Variants in BCKDHB observed in about 807,000 individuals in gnomAD.
BCKDHB encodes the protein branched chain keto acid dehydrogenase E1 subunit beta.
BCKDHB carries 41 observed loss-of-function variants against 48.5 expected under a neutral mutation model. The observed-to-expected ratio is 0.85, with a 90% CI of 0.66 to 1.10. The LOEUF is 1.10. BCKDHB is among the 50% of genes least tolerant of loss of function. The pLI, the probability that BCKDHB is intolerant of heterozygous loss-of-function variation, is 0.00. For missense variants in BCKDHB, 496 were observed against 494.2 expected, an observed-to-expected ratio of 1.00 and a Z score of -0.03; for synonymous variants, 201 against 174.8, an observed-to-expected ratio of 1.15 and a Z score of -1.18.
chr6:80,461,519 A>C, the BCKDHB span, among the ~76,000 whole-genome samples: 1 of 152,108 alleles, frequency 6.6e-6, no homozygotes, highest in African/African-American at 2.4e-5. Flanking sequence ...ACATCTGATC[A>C]TTTCTTTCAC....
the BCKDHB span, among the ~76,000 whole-genome samples, chr6:80,377,261 C>T: frequency 1.3e-5 from 2 of 152,020 alleles, no homozygotes; most frequent in South Asian, 2.1e-4. Context: ...AGGCTGGTCT[C>T]GAACTCCCAA....
At chr6:80,430,164 C>T in the BCKDHB span, among the ~76,000 whole-genome samples, 5 of 152,126 alleles carry the variant, frequency 3.3e-5, no homozygotes, top group African/African-American at 4.8e-5. Flanking sequence ...CGATAGATTA[C>T]GGTTATTGAT....
intron 2 of BCKDHB, among the ~76,000 whole-genome samples, chr6:80,128,444 G>A (rs915964687): frequency 5.3e-5 from 8 of 152,052 alleles, no homozygotes. Flanking sequence ...ACGTTTATGA[G>A]ACTAGCATTC....
At chr6:80,232,550 T>C (rs1775971633) in intron 8 of BCKDHB, among the ~76,000 whole-genome samples, 1 of 151,224 alleles carries the variant, frequency 6.6e-6, no homozygotes, top group South Asian at 2.1e-4. Context: ...TTATATTCTC[T>C]CTATAGCACA....
chr6:80,343,489 TGGGATC>T, intron 9 of BCKDHB, 169 bp from the exon 10 acceptor site: 2 of 688,054 alleles, frequency 2.9e-6, no homozygotes, highest in South Asian at 3.8e-5. Context: ...ATAATAAAAC[TGGGATC>T]ATGCGAACAT....
intron 8 of BCKDHB, among the ~76,000 whole-genome samples, chr6:80,240,074 T>C (rs945334583): frequency 5.9e-5 from 9 of 152,188 alleles, no homozygotes; most frequent in Non-Finnish European, 5.9e-5. Flanking sequence ...TAGAATTGTC[T>C]TGGGAATGTG....
chr6:80,142,246 A>G (rs1032131571), intron 3 of BCKDHB, among the ~76,000 whole-genome samples: 11 of 152,228 alleles, frequency 7.2e-5, no homozygotes, highest in Non-Finnish European at 1.6e-4. Context: ...ATAAAATCAA[A>G]TAAAATACAA....
chr6:80,166,180 C>T (rs180916719), intron 3 of BCKDHB, among the ~76,000 whole-genome samples: 1 of 152,002 alleles, frequency 6.6e-6, no homozygotes. Flanking sequence ...TTTTATTTTG[C>T]CCAGAGTTTA....
the BCKDHB span, among the ~76,000 whole-genome samples, chr6:80,449,353 G>A: frequency 5.3e-5 from 8 of 152,252 alleles, no homozygotes; most frequent in Non-Finnish European, 1.0e-4. Flanking sequence ...TGAAAACCTA[G>A]TATGTTCCAA....
chr6:80,174,626 A>G (rs1370066199), intron 6 of BCKDHB, among the ~76,000 whole-genome samples: 2 of 152,242 alleles, frequency 1.3e-5, no homozygotes, highest in Non-Finnish European at 2.9e-5. Flanking sequence ...CAAATGGAAC[A>G]TAGTCAAGTA....
At chr6:80,340,000 C>T (rs1235472738) in intron 9 of BCKDHB, among the ~76,000 whole-genome samples, 1 of 152,084 alleles carries the variant, frequency 6.6e-6, no homozygotes, top group Non-Finnish European at 1.5e-5. Context: ...GTTTCCTCAC[C>T]TGTGAAATGG....
At chr6:80,138,643 A>G (rs1375669309) in intron 3 of BCKDHB, among the ~76,000 whole-genome samples, 4 of 152,154 alleles carry the variant, frequency 2.6e-5, no homozygotes, top group African/African-American at 7.2e-5. Context: ...TTATGGCTGC[A>G]TAGTATTCCT....
intron 9 of BCKDHB, among the ~76,000 whole-genome samples, chr6:80,292,809 T>A (rs967644266): frequency 6.6e-6 from 1 of 152,190 alleles, no homozygotes; most frequent in African/African-American, 2.4e-5. Context: ...GCTACAGGCA[T>A]TGAGTAAATA....
At chr6:80,130,490 G>C (rs1482653312) in intron 3 of BCKDHB, among the ~76,000 whole-genome samples, 1 of 151,918 alleles carries the variant, frequency 6.6e-6, no homozygotes, top group African/African-American at 2.4e-5. Flanking sequence ...TCCATTTATA[G>C]CAGGTTGAGT....
chr6:80,167,545 C>A, intron 3 of BCKDHB, 133 bp from the exon 4 acceptor site: 1 of 990,978 alleles, frequency 1.0e-6, no homozygotes, highest in Non-Finnish European at 1.5e-6. Context: ...GCTAGCCATA[C>A]TCTTTATTTT....
intron 3 of BCKDHB, among the ~76,000 whole-genome samples, chr6:80,148,232 G>C (rs1478310166): frequency 3.3e-5 from 5 of 152,008 alleles, no homozygotes; most frequent in Non-Finnish European, 5.9e-5. Flanking sequence ...GATACTTTCT[G>C]GCTTTCCACT....
intron 5 of BCKDHB, chr6:80,169,868 C>A: frequency 6.2e-7 from 1 of 1,603,934 alleles, no homozygotes; most frequent in Admixed American, 1.7e-5. Context: ...TGAATGTGAG[C>A]TAGAAGTTGT....
chr6:80,360,553 C>CT, the BCKDHB span, among the ~76,000 whole-genome samples: 2 of 152,124 alleles, frequency 1.3e-5, no homozygotes, highest in African/African-American at 2.4e-5. Context: ...AACTAAGAGC[C>CT]TTATGTTCAC....
chr6:80,430,009 A>T, the BCKDHB span, among the ~76,000 whole-genome samples: 1 of 152,224 alleles, frequency 6.6e-6, no homozygotes. Flanking sequence ...GTTTGTCATA[A>T]ATAGCTCTTA....
Sources: allele counts gnomAD v4.1 joint callset (sites outside exome capture counted in the v4.1 genomes callset), GRCh38; gene constraint gnomAD v4.1.1; transcripts MANE v1.5; gene names NCBI Gene and HGNC (gene_info 2026-07-23, HGNC 2026-07-21).